The following KCNT1 variants were observed in gnomAD, a reference collection of about 807,000 sequenced individuals.
The protein encoded by KCNT1 is potassium sodium-activated channel subfamily T member 1, also known as potassium channel subfamily T member 1.
Under a neutral mutation model 147.8 loss-of-function variants are expected in KCNT1, and 78 were observed. The observed-to-expected ratio is 0.53, with a 90% CI of 0.44 to 0.64. The LOEUF (loss-of-function observed/expected upper bound fraction) is 0.64, where lower values mean the gene tolerates loss of function less well. Ranked by LOEUF, KCNT1 falls within the 30% of genes least tolerant of loss-of-function variation. The pLI, the probability that KCNT1 is intolerant of heterozygous loss-of-function variation, is 0.00. For synonymous variants in KCNT1, 867 were observed against 748.8 expected, an observed-to-expected ratio of 1.16 and a Z score of -2.58; for missense variants, 1,419 against 1,750.3, an observed-to-expected ratio of 0.81 and a Z score of 3.38.
intron 25 of KCNT1, 59 bp downstream of exon 25, chr9:135,784,184 C>T (rs1360343341): frequency 2.3e-6 from 3 of 1,290,162 alleles, no homozygotes; most frequent in Non-Finnish European, 3.3e-6. Flanking sequence ...GTCATGCCCT[C>T]AGCTCTTCAG....
At chr9:135,787,841 C>A (rs1457878947) in intron 29 of KCNT1, among the ~76,000 whole-genome samples, 2 of 152,176 alleles carry the variant, frequency 1.3e-5, no homozygotes, top group African/African-American at 4.8e-5. Context: ...GTTTGTGGTC[C>A]CCTGTGACTG....
At chr9:135,779,699 A>G (rs1267622154) in intron 24 of KCNT1, among the ~76,000 whole-genome samples, 1 of 152,212 alleles carries the variant, frequency 6.6e-6, no homozygotes. Flanking sequence ...AGGCACTGGG[A>G]ATGTGGCCCA....
rs968269559 is a variant in KCNT1 at position 135,771,239 on chromosome 9, C to T, written c.2008+144C>T. On this transcript the variant is annotated intron_variant, in intron 18 of 30. Transcript: ENST00000371757. The stretch of plus-strand genomic sequence containing the variant: ...AGGTGGGACAGGAGACCAGGCAGGA[C>T]AGGGGCAGGTGACCAGGTGGGACGG... The T allele has an allele frequency of 7.8e-5, 57 of 731,950 alleles. No homozygotes were observed. In the African/African-American group the frequency reaches 8.8e-4, roughly 11 times the overall value. 45.3% of individuals were successfully genotyped at this position (731,950 alleles called of 1,614,324 possible).
chr9:135,735,041 C>T (rs1256837272), intron 2 of KCNT1, among the ~76,000 whole-genome samples: 1 of 152,188 alleles, frequency 6.6e-6, no homozygotes, highest in African/African-American at 2.4e-5. Context: ...TGGGGCACTC[C>T]ACAGGAGGGT....
At chr9:135,718,738 T>C (rs1835812687) in intron 2 of KCNT1, among the ~76,000 whole-genome samples, 1 of 152,196 alleles carries the variant, frequency 6.6e-6, no homozygotes, top group South Asian at 2.1e-4. Flanking sequence ...TGCCAACCCC[T>C]GGCAGGCTGT....
Position 135,755,302 on chromosome 9 carries a change from A to C in KCNT1, c.540+133A>C, listed in dbSNP as rs1446183704. 4 of 657,892 alleles carry C rather than the reference A, an allele frequency of 6.1e-6. No homozygotes were observed. The African/African-American group carries it at 7.5e-5, about 12-fold the overall frequency. The allele number at this position is 657,892 out of a possible 1,614,324, so 40.8% of individuals were successfully genotyped here. The stretch of plus-strand genomic sequence containing the variant: ...ACATACCCAGTCTCAGTAAATGCTA[A>C]GAACAAACCCAGGCTCAGTGAGCAC... On this transcript the variant is annotated intron_variant, in intron 6 of 30. Transcript: ENST00000371757.
At chr9:135,724,444 C>T (rs1370136713) in intron 2 of KCNT1, among the ~76,000 whole-genome samples, 4 of 152,266 alleles carry the variant, frequency 2.6e-5, no homozygotes, top group African/African-American at 9.6e-5. Flanking sequence ...AGGTCCTCAC[C>T]TGCAGGATCC....
Position 135,714,819 on chromosome 9 carries a change from C to T in KCNT1, c.254+99C>T, listed in dbSNP as rs1187563614. On this transcript the variant is annotated intron_variant, in intron 2 of 30. Transcript: ENST00000371757. This position sits in a 1 kb window ranked among gnomAD's most constrained non-coding sequence, Gnocchi z 6.2. ...GCTGACGGCCGGTCCCGCGCGCCCC[C>T]GCAGCCGCCGGCGCCCTTCAACTTT... 2 of 878,522 alleles carry T rather than the reference C, an allele frequency of 2.3e-6. No homozygotes were observed. The highest frequency in any genetic ancestry group is 2.9e-6 in the Non-Finnish European group (2 of 699,438). 54.4% of individuals were successfully genotyped at this position (878,522 alleles called of 1,614,324 possible). A position where few individuals can be genotyped will look rare whatever the true frequency, so the allele number is the denominator to read the frequency against.
At chr9:135,708,816 A>C (rs1484706637) in intron 1 of KCNT1, among the ~76,000 whole-genome samples, 2 of 152,216 alleles carry the variant, frequency 1.3e-5, no homozygotes, top group Non-Finnish European at 2.9e-5. Context: ...GAATGCTGGA[A>C]TTACAGGCGT....
At chr9:135,731,960 G>GTATATATATATATATATATATATGTA (rs1836456825) in intron 2 of KCNT1, among the ~76,000 whole-genome samples, 1 of 41,424 alleles carries the variant, frequency 2.4e-5, no homozygotes, top group South Asian at 9.4e-4. Flanking sequence ...AAATATGCGT[G>GTATATATATATATATATATATATGTA]TATATATATA....
At chr9:135,771,577 TCAAA>T (rs1441058407) in intron 18 of KCNT1, among the ~76,000 whole-genome samples, 1 of 152,198 alleles carries the variant, frequency 6.6e-6, no homozygotes, top group Non-Finnish European at 1.5e-5. Flanking sequence ...CGTGTGTCCC[TCAAA>T]CAGTCGGGAG....
At chr9:135,755,046 GGCCCCA>G in intron 5 of KCNT1, 69 bp from the exon 6 acceptor site, 1 of 1,400,654 alleles carries the variant, frequency 7.1e-7, no homozygotes, top group South Asian at 1.4e-5. Flanking sequence ...CAATGGTTAT[GGCCCCA>G]GCCCCAGGGT....
chr9:135,774,280 GGTGTGTTGT>G (rs942808393), intron 19 of KCNT1, among the ~76,000 whole-genome samples: 3 of 147,218 alleles, frequency 2.0e-5, no homozygotes, highest in Non-Finnish European at 3.0e-5. Flanking sequence ...TTGTGTGTGT[GGTGTGTTGT>G]GTGTGGTGTG....
chr9:135,792,319 C>A lies in KCNT1; in HGVS notation c.*158C>A. On this transcript the variant is annotated 3_prime_UTR_variant, in exon 31 of 31. Coordinates refer to ENST00000371757, the MANE Select transcript of KCNT1 (RefSeq NM_020822.3). ...CCACCCTGGAAAGGAGCCCCTCATG[C>A]GGGGGGAGGGCCAGCTCACCCCTGG... 1.0e-6 allele frequency: 1 copy of A among 968,646 alleles called. No individual in the cohort carries two copies. 60.0% of individuals were successfully genotyped at this position (968,646 alleles called of 1,614,324 possible). A position where few individuals can be genotyped will look rare whatever the true frequency, so the allele number is the denominator to read the frequency against.
Position 135,753,986 on chromosome 9 carries a change from A to G in KCNT1, c.484A>G (p.Ile162Val). 1.9e-6 allele frequency: 3 copies of G among 1,614,012 alleles called. No homozygotes were observed. Among genetic ancestry groups the G allele is most frequent in the Non-Finnish European group, 2.5e-6 (3 of 1,179,952 alleles). The change falls in exon 5 of 31, where the codon ATC (isoleucine) becomes GTC (valine). Residue 162 changes from isoleucine (I) to valine (V), a missense_variant. Ile to Val is a conservative substitution (Grantham distance 29). Around this residue, in one of 5 missense-constraint regions of KCNT1, gnomAD observed 401 missense variants for 610.6 expected, o/e 0.66. Coordinates refer to ENST00000371757, the MANE Select transcript of KCNT1 (RefSeq NM_020822.3). ...NYSFNDSSSE[I>V]NWAPILWVER... ...CTCCTTCAATGACTCGTCCTCCGAG[A>G]TCAACTGGTGAGTCCACACTCCAGC...
chr9:135,720,149 C>T (rs1835868084), intron 2 of KCNT1, among the ~76,000 whole-genome samples: 1 of 151,972 alleles, frequency 6.6e-6, no homozygotes, highest in African/African-American at 2.4e-5. Context: ...GAGGGGGCAG[C>T]CCAGACCCCT....
At position 135,757,353 on chromosome 9, in the gene KCNT1, T is replaced by G; in HGVS notation, c.731T>G (p.Leu244Arg). The G allele has an allele frequency of 6.2e-7, 1 of 1,610,648 alleles. No individual in the cohort carries two copies. The highest frequency in any genetic ancestry group is 8.5e-7 in the Non-Finnish European group (1 of 1,179,952). ...LFIPVFLNCW[L>R]AKHALENMIN... ...ATCCCCGTCTTTCTGAACTGCTGGC[T>G]GGCCAAGCACGCGCTGGAAAACATG... Residue 244 changes from leucine to arginine, a missense_variant, in exon 9 of 31, where the codon CTG (leucine) becomes CGG (arginine). By Grantham distance (102) the Leu-to-Arg change is moderately radical. Around this residue, in one of 5 missense-constraint regions of KCNT1, gnomAD observed 401 missense variants for 610.6 expected, o/e 0.66. Transcript: ENST00000371757.
rs1287792191 is a variant in KCNT1 at position 135,793,075 on chromosome 9, G to C, written c.*914G>C. ...GCGCCACCCTGCGTCCTTTGCTGCT[G>C]GTTCCTTACTGGTTTGTACGGTCAG... is the stretch of plus-strand genomic sequence containing the variant. On this transcript the variant is annotated 3_prime_UTR_variant, in exon 31 of 31. Transcript: ENST00000371757. 1 of 152,166 alleles carries C rather than the reference G, an allele frequency of 6.6e-6. No individual in the cohort carries two copies. 9.4% of individuals were successfully genotyped at this position (152,166 alleles called of 1,614,324 possible). A position where few individuals can be genotyped will look rare whatever the true frequency, so the allele number is the denominator to read the frequency against.
chr9:135,781,768 G>A (rs71508815), intron 24 of KCNT1, among the ~76,000 whole-genome samples: 4 of 152,178 alleles, frequency 2.6e-5, no homozygotes, highest in Non-Finnish European at 1.5e-5. Flanking sequence ...GGAGGAGGTG[G>A]AGATGGCATA....
Sources: gnomAD v4.1 joint callset for allele counts (sites outside exome capture counted in the v4.1 genomes callset) on GRCh38, gnomAD v4.1.1 for gene constraint, gnomAD v4.1.1 regional missense constraint, Gnocchi (gnomAD v3.1) non-coding constraint, MANE v1.5 for transcripts, NCBI Gene and HGNC (gene_info 2026-07-23, HGNC 2026-07-21) for gene names.